The following MCUB variants were observed in gnomAD, a reference collection of about 807,000 sequenced individuals.
The protein encoded by MCUB is mitochondrial calcium uniporter dominant negative subunit beta.
In MCUB, 46 loss-of-function variants were observed where a neutral mutation model predicts 41.4. The observed-to-expected ratio is 1.11, with a 90% confidence interval of 0.88 to 1.42. The LOEUF is 1.42. MCUB is among the 40% of genes most tolerant of loss of function. The pLI is 0.00. For synonymous variants in MCUB, 148 were observed against 148.2 expected, an observed-to-expected ratio of 1.00 and a Z score of 0.01; for missense variants, 403 against 404.9, an observed-to-expected ratio of 1.00 and a Z score of 0.04.
At chr4:109,605,719 G>A (rs1727854619) in intron 1 of MCUB, among the ~76,000 whole-genome samples, 1 of 152,094 alleles carries the variant, frequency 6.6e-6, no homozygotes, top group African/African-American at 2.4e-5. Flanking sequence ...CCAGTGTTGG[G>A]TGCATATGTA....
At chr4:109,667,152 T>C (rs748730607) in intron 4 of MCUB, among the ~76,000 whole-genome samples, 1 of 152,144 alleles carries the variant, frequency 6.6e-6, no homozygotes, top group Non-Finnish European at 1.5e-5. Flanking sequence ...AAAGAGATTG[T>C]AGATAATTAA....
At chr4:109,608,057 T>A (rs1050465857) in intron 1 of MCUB, among the ~76,000 whole-genome samples, 5 of 152,200 alleles carry the variant, frequency 3.3e-5, no homozygotes, top group Admixed American at 3.3e-4. Context: ...CTAGATATTG[T>A]AGGTGTGCTT....
At chr4:109,666,735 C>T (rs900223246) in intron 4 of MCUB, among the ~76,000 whole-genome samples, 1 of 152,130 alleles carries the variant, frequency 6.6e-6, no homozygotes, top group African/African-American at 2.4e-5. Context: ...GGCTTGCTTT[C>T]TCATTGTCTT....
intron 1 of MCUB, among the ~76,000 whole-genome samples, chr4:109,603,045 C>A (rs1727779100): frequency 6.6e-6 from 1 of 152,168 alleles, no homozygotes; most frequent in Non-Finnish European, 1.5e-5. Context: ...TTGTACTCTG[C>A]AACTTTATGA....
At chr4:109,602,176 A>T (rs1561223579) in intron 1 of MCUB, among the ~76,000 whole-genome samples, 1 of 152,016 alleles carries the variant, frequency 6.6e-6, no homozygotes, top group Non-Finnish European at 1.5e-5. Flanking sequence ...TTGACTCTTC[A>T]CTTTGTTGAT....
chr4:109,581,635 T>G (rs1174805629), intron 1 of MCUB, among the ~76,000 whole-genome samples: 2 of 152,148 alleles, frequency 1.3e-5, no homozygotes, highest in African/African-American at 4.8e-5. Context: ...CCTACTTATC[T>G]GACGAAGGGC....
At chr4:109,612,679 G>A (rs1191525851) in intron 1 of MCUB, among the ~76,000 whole-genome samples, 1 of 152,126 alleles carries the variant, frequency 6.6e-6, no homozygotes, top group African/African-American at 2.4e-5. Context: ...TTGGGAGTTA[G>A]GGCTGTAACA....
intron 1 of MCUB, among the ~76,000 whole-genome samples, chr4:109,581,522 A>G (rs892003666): frequency 6.6e-6 from 1 of 151,450 alleles, no homozygotes; most frequent in Non-Finnish European, 1.5e-5. Context: ...AAAAGCCAAA[A>G]TTGACAAATG....
chr4:109,618,952 T>TTCTC (rs10557098), intron 1 of MCUB, among the ~76,000 whole-genome samples: 3,311 of 127,692 alleles, frequency 0.026, 70 homozygotes, highest in East Asian at 0.034. Flanking sequence ...AACATTAAAC[T>TTCTC]TCTCTCTCTC....
At chr4:109,676,601 G>A (rs766154216) in intron 4 of MCUB, among the ~76,000 whole-genome samples, 6 of 152,140 alleles carry the variant, frequency 3.9e-5, no homozygotes, top group Admixed American at 6.5e-5. Flanking sequence ...AAATTCCAAA[G>A]CCACTTCTAC....
intron 3 of MCUB, 41 bp downstream of exon 3, chr4:109,660,406 C>T: frequency 8.6e-7 from 1 of 1,157,468 alleles, no homozygotes; most frequent in Non-Finnish European, 1.2e-6. Context: ...CCCAGGGTTT[C>T]TGTCTCTCCT....
chr4:109,580,179 T>G (rs562376230), intron 1 of MCUB, among the ~76,000 whole-genome samples: 1 of 152,338 alleles, frequency 6.6e-6, no homozygotes, highest in Non-Finnish European at 1.5e-5. Context: ...GGTTTCCAGC[T>G]GCATCCATGT....
At chr4:109,680,168 G>A (rs1013573377) in intron 4 of MCUB, among the ~76,000 whole-genome samples, 1 of 152,144 alleles carries the variant, frequency 6.6e-6, no homozygotes. Context: ...TCTTTGAAAT[G>A]TTAACGTTCA....
chr4:109,569,883 A>C (rs527966071), intron 1 of MCUB, among the ~76,000 whole-genome samples: 2 of 152,274 alleles, frequency 1.3e-5, no homozygotes, highest in East Asian at 3.9e-4. Context: ...TTCTAAATAG[A>C]TTGAGACATT....
chr4:109,569,895 T>C (rs1726873552), intron 1 of MCUB, among the ~76,000 whole-genome samples: 1 of 152,102 alleles, frequency 6.6e-6, no homozygotes, highest in African/African-American at 2.4e-5. Flanking sequence ...TGAGACATTG[T>C]GAGATGAATG....
chr4:109,600,028 T>C lies in MCUB; in HGVS notation c.99+39592T>C, dbSNP rs964034755. Among the ~76,000 whole-genome samples the C allele has an allele frequency of 3.9e-5, 6 of 152,226 alleles. No homozygotes were observed. In the East Asian group the frequency reaches 1.2e-3, roughly 29 times the overall value. ...ACGCAAGATAGTGCTTTCCTAATAT[T>C]GAGGTATCTTGGAGATGCAAATCAA... On this transcript the variant is annotated intron_variant, in intron 1 of 7. Coordinates refer to ENST00000394650, the MANE Select transcript of MCUB (RefSeq NM_017918.5).
At chr4:109,641,924 A>G (rs1016920306) in intron 1 of MCUB, among the ~76,000 whole-genome samples, 14 of 152,248 alleles carry the variant, frequency 9.2e-5, no homozygotes, top group African/African-American at 1.9e-4. Flanking sequence ...AAGATCTTCA[A>G]GTACTTCTGC....
chr4:109,624,264 A>C (rs1728315063), intron 1 of MCUB, among the ~76,000 whole-genome samples: 1 of 152,082 alleles, frequency 6.6e-6, no homozygotes, highest in African/African-American at 2.4e-5. Flanking sequence ...ACCACACTCA[A>C]CTCATGGACC....
At chr4:109,634,251 G>A (rs922567508) in intron 1 of MCUB, among the ~76,000 whole-genome samples, 1 of 151,974 alleles carries the variant, frequency 6.6e-6, no homozygotes, top group Non-Finnish European at 1.5e-5. Context: ...GGGAGGCCGA[G>A]GTGGGTGGAT....
Sources: allele counts gnomAD v4.1 joint callset (sites outside exome capture counted in the v4.1 genomes callset), GRCh38; gene constraint gnomAD v4.1.1; transcripts MANE v1.5; gene names NCBI Gene and HGNC (gene_info 2026-07-23, HGNC 2026-07-21).